MMS22L: variants seen among roughly 807,000 people sequenced by gnomAD.
MMS22L encodes the protein protein MMS22-like.
Under a neutral mutation model 159.1 loss-of-function variants are expected in MMS22L, and 74 were observed. The observed-to-expected ratio is 0.47, with a 90% CI of 0.39 to 0.56. The LOEUF is 0.56. MMS22L is among the 20% of genes least tolerant of loss of function. The pLI, the probability that MMS22L is intolerant of heterozygous loss-of-function variation, is 0.00. For synonymous variants in MMS22L, 517 were observed against 506.9 expected, an observed-to-expected ratio of 1.02 and a Z score of -0.27; for missense variants, 1,351 against 1,422.1, an observed-to-expected ratio of 0.95 and a Z score of 0.80.
At position 97,280,383 on chromosome 6, in the gene MMS22L, G is replaced by A. The variant is rs143173580; in HGVS notation, c.290+854C>T. Among the ~76,000 whole-genome samples, 140 of 152,140 alleles carry A rather than the reference G, an allele frequency of 9.2e-4. No homozygotes were observed. The East Asian group carries it at 0.026, about 28-fold the overall frequency. ...GAGTCTCGCTCTGTCACCCAGGCTG[G>A]AGTACAGTGGGCAATCTCAAATCAC... is the stretch of plus-strand genomic sequence containing the variant. On this transcript the variant is annotated intron_variant, in intron 3 of 24. Transcript: ENST00000683635.
At chr6:97,213,914 T>A (rs1808671013) in intron 14 of MMS22L, among the ~76,000 whole-genome samples, 1 of 152,172 alleles carries the variant, frequency 6.6e-6, no homozygotes, top group South Asian at 2.1e-4. Flanking sequence ...TTTTTCCATC[T>A]ACAGAACTAC....
intron 22 of MMS22L, among the ~76,000 whole-genome samples, chr6:97,158,529 T>A (rs1043373635): frequency 5.3e-5 from 8 of 152,210 alleles, no homozygotes; most frequent in African/African-American, 1.9e-4. Flanking sequence ...CTCACTGGTT[T>A]CAAAGAACAT....
In MMS22L at chr6:97,149,533, T is replaced by C. The variant is rs150847164; in HGVS notation, c.3650+320A>G. On this transcript the variant is annotated intron_variant, in intron 24 of 24. Coordinates refer to ENST00000683635, the MANE Select transcript of MMS22L (RefSeq NM_001350599.2). ...TATTAAAAAACAAGACATCCAAGGC[T>C]ATGAAGTCCACTTCCCAATGAGGAA... is the stretch of plus-strand genomic sequence containing the variant. Among the ~76,000 whole-genome samples the C allele has an allele frequency of 9.2e-3, 1,404 of 152,286 alleles. 11 individuals carry two copies. The highest frequency in any genetic ancestry group is 0.015 in the Non-Finnish European group (1,009 of 68,018).
At chr6:97,169,699 A>G (rs897893907) in intron 19 of MMS22L, among the ~76,000 whole-genome samples, 1 of 152,154 alleles carries the variant, frequency 6.6e-6, no homozygotes, top group Non-Finnish European at 1.5e-5. Flanking sequence ...TCATTTCTTC[A>G]GTTGGTGGAG....
chr6:97,187,086 TA>T (rs147887889), intron 14 of MMS22L, among the ~76,000 whole-genome samples: 3,274 of 152,230 alleles, frequency 0.022, 125 homozygotes, highest in African/African-American at 0.075. Flanking sequence ...AAGAGGAAGG[TA>T]AGTACAACTG....
intron 8 of MMS22L, 29 bp from the exon 9 acceptor site, chr6:97,263,477 T>A: frequency 3.3e-6 from 4 of 1,212,100 alleles, no homozygotes; most frequent in Non-Finnish European, 4.6e-6. Flanking sequence ...ATGTGTTATT[T>A]ATAAGACAGC....
rs768907336 is a variant in MMS22L at position 97,179,423 on chromosome 6, G to C, written c.2521C>G (p.Leu841Val). The C allele has an allele frequency of 6.2e-7, 1 of 1,612,120 alleles. No homozygotes were observed. Among genetic ancestry groups the C allele is most frequent in the South Asian group, 1.1e-5 (1 of 90,524 alleles). Residue 841 changes from leucine to valine, a missense_variant, in exon 17 of 25, where the codon CTG (leucine) becomes GTG (valine). By Grantham distance (32) the Leu-to-Val change is conservative. Coordinates refer to ENST00000683635, the MANE Select transcript of MMS22L (RefSeq NM_001350599.2). ...GPDDLLIDKN[L>V]EEAVEKEYMK... ...ACTTACTTACCAACTGCCTCTTCCA[G>C]ATTTTTATCTATGAGCAAATCATCA...
chr6:97,205,738 A>C (rs1055680512), intron 14 of MMS22L, among the ~76,000 whole-genome samples: 2 of 152,222 alleles, frequency 1.3e-5, no homozygotes, highest in Non-Finnish European at 2.9e-5. Flanking sequence ...GCATGCAAAA[A>C]TGACCACACA....
chr6:97,162,133 G>A lies in MMS22L; in HGVS notation c.3254C>T (p.Pro1085Leu), dbSNP rs1245897081. Residue 1085 changes from proline to leucine, a missense_variant, in exon 22 of 25, where the codon CCT (proline) becomes CTT (leucine). Coordinates refer to ENST00000683635, the MANE Select transcript of MMS22L (RefSeq NM_001350599.2). ...CAGAATGGATGCTAAGCGAGGAGGA[G>A]GTGAGGACCCCTTATACTCAAGGTA... ...KSYLEYKGSS[P>L]PPRLASILAF... 2 of 1,608,818 alleles carry A rather than the reference G, an allele frequency of 1.2e-6. No individual in the cohort carries two copies. The highest frequency in any genetic ancestry group is 2.2e-5 in the East Asian group (1 of 44,798).
At chr6:97,186,444 C>G in intron 15 of MMS22L, 53 bp downstream of exon 15, 1 of 1,482,624 alleles carries the variant, frequency 6.7e-7, no homozygotes, top group Non-Finnish European at 9.2e-7. Flanking sequence ...AAGGAAAATA[C>G]TGACAAAGAG....
intron 10 of MMS22L, among the ~76,000 whole-genome samples, chr6:97,249,059 A>G (rs548566954): frequency 2.6e-5 from 4 of 152,246 alleles, no homozygotes; most frequent in East Asian, 1.9e-4. Context: ...AAGAGCAACA[A>G]TAGTCTCAGG....
At chr6:97,212,913 C>G (rs1308838593) in intron 14 of MMS22L, among the ~76,000 whole-genome samples, 1 of 152,132 alleles carries the variant, frequency 6.6e-6, no homozygotes, top group African/African-American at 2.4e-5. Flanking sequence ...CAACTAGGAT[C>G]TTGGAAACAA....
intron 11 of MMS22L, among the ~76,000 whole-genome samples, chr6:97,238,454 T>C (rs1811664458): frequency 6.6e-6 from 1 of 152,134 alleles, no homozygotes; most frequent in African/African-American, 2.4e-5. Flanking sequence ...TTGTTTTTAG[T>C]AAGCCATAAG....
At chr6:97,283,492 T>G (rs1032993563), upstream of MMS22L, 2 of 152,088 alleles carry the variant, frequency 1.3e-5, no homozygotes, top group Non-Finnish European at 2.9e-5. Flanking sequence ...CTCCAGTGAG[T>G]GCGAAGTGAG....
intron 19 of MMS22L, 40 bp from the exon 20 acceptor site, chr6:97,168,280 T>C: frequency 6.3e-7 from 1 of 1,579,968 alleles, no homozygotes; most frequent in Non-Finnish European, 8.6e-7. Context: ...GTTGTTATCC[T>C]CTGACCAGAA....
intron 15 of MMS22L, among the ~76,000 whole-genome samples, chr6:97,183,927 C>A (rs1288354519): frequency 2.0e-5 from 3 of 152,128 alleles, no homozygotes; most frequent in Admixed American, 2.0e-4. Flanking sequence ...TCCTCTTTGA[C>A]CCCTCTAGCT....
chr6:97,248,775 C>T (rs1477334529), intron 10 of MMS22L, among the ~76,000 whole-genome samples: 1 of 151,850 alleles, frequency 6.6e-6, no homozygotes, highest in East Asian at 1.9e-4. Flanking sequence ...AGGAGAATCG[C>T]TTGAACCCAG....
intron 22 of MMS22L, among the ~76,000 whole-genome samples, chr6:97,153,234 A>G (rs1033910690): frequency 3.3e-5 from 5 of 152,074 alleles, no homozygotes; most frequent in African/African-American, 1.2e-4. Flanking sequence ...GGCTTTTAGT[A>G]TATTCAGAGT....
At position 97,190,279 on chromosome 6, in the gene MMS22L, A is replaced by T. The variant is rs186865497; in HGVS notation, c.2040-3589T>A. On this transcript the variant is annotated intron_variant, in intron 14 of 24. Coordinates refer to ENST00000683635, the MANE Select transcript of MMS22L (RefSeq NM_001350599.2). ...AGGCATTATTTACCTTCTTCAACAC[A>T]AACAGTAGAAATATGTAAGTAGATT... 2.2e-4 allele frequency among the ~76,000 whole-genome samples: 34 copies of T among 152,320 alleles called. 1 individual carries two copies. In the East Asian group the frequency reaches 5.8e-3, roughly 26 times the overall value.
Sources: allele counts gnomAD v4.1 joint callset (sites outside exome capture counted in the v4.1 genomes callset), GRCh38; gene constraint gnomAD v4.1.1; transcripts MANE v1.5; gene names NCBI Gene and HGNC (gene_info 2026-07-23, HGNC 2026-07-21).